ZNF609: variants seen among roughly 807,000 people sequenced by gnomAD.
ZNF609 encodes the protein zinc finger protein 609.
ZNF609 carries 11 observed loss-of-function variants against 109.5 expected under a neutral mutation model. The observed-to-expected ratio is 0.10, with a 90% CI of 0.06 to 0.17. The LOEUF (loss-of-function observed/expected upper bound fraction) is 0.17, where lower values mean the gene tolerates loss of function less well. ZNF609 is among the 10% of genes least tolerant of loss of function. The pLI is 1.00. For synonymous variants in ZNF609, 646 were observed against 662.0 expected, an observed-to-expected ratio of 0.98 and a Z score of 0.37; for missense variants, 1,559 against 1,772.4, an observed-to-expected ratio of 0.88 and a Z score of 2.16.
intron 2 of ZNF609, among the ~76,000 whole-genome samples, chr15:64,522,009 A>T (rs571055231): frequency 6.6e-6 from 1 of 152,328 alleles, no homozygotes; most frequent in South Asian, 2.1e-4. Flanking sequence ...ACTAATGCTG[A>T]GGCATCTGGT....
intron 1 of ZNF609, among the ~76,000 whole-genome samples, chr15:64,475,280 C>G (rs958526551): frequency 6.6e-6 from 1 of 151,710 alleles, no homozygotes; most frequent in African/African-American, 2.4e-5. Context: ...CTTCCTGAAG[C>G]CTTTCTTATC....
At chr15:64,521,671 A>G (rs1158534274) in intron 2 of ZNF609, among the ~76,000 whole-genome samples, 1 of 152,194 alleles carries the variant, frequency 6.6e-6, no homozygotes, top group African/African-American at 2.4e-5. Flanking sequence ...CCTTCAATTT[A>G]TTTTGAAGTG....
chr15:64,469,050 A>AAC (rs1261780648), intron 1 of ZNF609, among the ~76,000 whole-genome samples: 3 of 135,214 alleles, frequency 2.2e-5, no homozygotes, highest in East Asian at 4.1e-4. Context: ...AAAAAAAAAA[A>AAC]AAAAAACAAC....
chr15:64,552,736 A>G (rs1894503785), intron 2 of ZNF609, among the ~76,000 whole-genome samples: 1 of 152,094 alleles, frequency 6.6e-6, no homozygotes, highest in Non-Finnish European at 1.5e-5. Context: ...TGCAGCCCCA[A>G]ACTGCTGGGC....
chr15:64,612,051 A>G (rs531113142), intron 2 of ZNF609, among the ~76,000 whole-genome samples: 3 of 149,764 alleles, frequency 2.0e-5, no homozygotes, highest in Non-Finnish European at 4.5e-5. Flanking sequence ...TGCATTTTCT[A>G]GTGCACAATA....
chr15:64,469,524 A>G (rs1181912934), intron 1 of ZNF609, among the ~76,000 whole-genome samples: 1 of 151,914 alleles, frequency 6.6e-6, no homozygotes, highest in Non-Finnish European at 1.5e-5. Context: ...TTGCTGGTCA[A>G]AAATATAGCC....
chr15:64,466,928 T>G (rs1385453644), intron 1 of ZNF609, among the ~76,000 whole-genome samples: 1 of 152,034 alleles, frequency 6.6e-6, no homozygotes, highest in Admixed American at 6.6e-5. Context: ...CTCTCACCCC[T>G]TTCTTTCTTC....
chr15:64,609,076 CT>C (rs150321491), intron 2 of ZNF609, among the ~76,000 whole-genome samples: 8 of 33,696 alleles, frequency 2.4e-4, no homozygotes, highest in African/African-American at 4.9e-4. Flanking sequence ...TTCTTTCTTT[CT>C]TTCTTTCTTT....
At chr15:64,573,383 C>A (rs1894895449) in intron 2 of ZNF609, among the ~76,000 whole-genome samples, 1 of 95,734 alleles carries the variant, frequency 1.0e-5, no homozygotes, top group Non-Finnish European at 1.9e-5. Flanking sequence ...GAGACGGAGT[C>A]TTGCTCTGTC....
At chr15:64,582,341 A>G (rs796489367) in intron 2 of ZNF609, among the ~76,000 whole-genome samples, 5 of 152,206 alleles carry the variant, frequency 3.3e-5, no homozygotes, top group African/African-American at 9.6e-5. Flanking sequence ...TTAGAGCTAC[A>G]TCTCCTCTGT....
chr15:64,544,908 T>G (rs1002809033), intron 2 of ZNF609, among the ~76,000 whole-genome samples: 1 of 152,196 alleles, frequency 6.6e-6, no homozygotes, highest in African/African-American at 2.4e-5. Context: ...AGGTAGGTGT[T>G]GTGCTGCATG....
intron 2 of ZNF609, among the ~76,000 whole-genome samples, chr15:64,537,066 T>G (rs906898114): frequency 1.3e-5 from 2 of 149,732 alleles, no homozygotes; most frequent in Non-Finnish European, 2.9e-5. Flanking sequence ...CTACTAAAAA[T>G]ACAAAAATTA....
At chr15:64,537,881 A>T (rs1362124775) in intron 2 of ZNF609, among the ~76,000 whole-genome samples, 1 of 152,010 alleles carries the variant, frequency 6.6e-6, no homozygotes, top group Non-Finnish European at 1.5e-5. Context: ...TGGGCGGATC[A>T]CCTGAGGCCA....
intron 2 of ZNF609, among the ~76,000 whole-genome samples, chr15:64,611,311 A>G (rs1337773555): frequency 6.6e-6 from 1 of 152,182 alleles, no homozygotes; most frequent in Non-Finnish European, 1.5e-5. Flanking sequence ...TTGCTGAAGG[A>G]AAATGTGAAT....
intron 2 of ZNF609, among the ~76,000 whole-genome samples, chr15:64,562,725 AAAG>A (rs1360022079): frequency 2.5e-5 from 3 of 118,022 alleles, no homozygotes; most frequent in South Asian, 2.6e-4. Context: ...GCCCGAGTTT[AAAG>A]AAGAAGCCAG....
chr15:64,476,481 G>A (rs1893172188), intron 1 of ZNF609, among the ~76,000 whole-genome samples: 1 of 152,136 alleles, frequency 6.6e-6, no homozygotes, highest in Non-Finnish European at 1.5e-5. Context: ...GATGGTTAAA[G>A]TAGAGATCTT....
At chr15:64,569,984 A>G (rs1894836261) in intron 2 of ZNF609, among the ~76,000 whole-genome samples, 2 of 152,130 alleles carry the variant, frequency 1.3e-5, no homozygotes, top group African/African-American at 4.8e-5. Context: ...AATTGCCTAG[A>G]TCACATCTTA....
chr15:64,586,262 G>C (rs1256788079), intron 2 of ZNF609, among the ~76,000 whole-genome samples: 1 of 151,472 alleles, frequency 6.6e-6, no homozygotes, highest in Non-Finnish European at 1.5e-5. Context: ...GGAGGCAGAG[G>C]TTGCGGTGAG....
At chr15:64,575,375 G>T (rs997259997) in intron 2 of ZNF609, among the ~76,000 whole-genome samples, 1 of 151,058 alleles carries the variant, frequency 6.6e-6, no homozygotes, top group African/African-American at 2.4e-5. Flanking sequence ...AGTGAGCCTA[G>T]ATCGCACCAT....
Sources: allele counts gnomAD v4.1 joint callset (sites outside exome capture counted in the v4.1 genomes callset), GRCh38; gene constraint gnomAD v4.1.1; transcripts MANE v1.5; gene names NCBI Gene and HGNC (gene_info 2026-07-23, HGNC 2026-07-21).